Variants in DESI2 observed in about 807,000 individuals in gnomAD.
DESI2 encodes the protein deubiquitinase DESI2.
DESI2 carries 10 observed loss-of-function variants against 24.1 expected under a neutral mutation model. The ratio of observed to expected loss-of-function variants is 0.41; its 90% confidence interval spans 0.26 to 0.70. The LOEUF is 0.70. DESI2 is among the 30% of genes least tolerant of loss of function. DESI2 has a pLI of 0.29. For synonymous variants in DESI2, 71 were observed against 87.7 expected, an observed-to-expected ratio of 0.81 and a Z score of 1.06; for missense variants, 122 against 234.9, an observed-to-expected ratio of 0.52 and a Z score of 3.14.
intron 1 of DESI2, chr1:244,654,134 T>C (rs1675565973): frequency 2.4e-6 from 1 of 408,206 alleles, no homozygotes; most frequent in Non-Finnish European, 5.0e-6. Context: ...CAAGAACTGG[T>C]TTGCCTGATT....
chr1:244,656,465 A>AT (rs2148777367), intron 1 of DESI2: 1 of 152,296 alleles, frequency 6.6e-6, no homozygotes, highest in South Asian at 2.1e-4. Context: ...CTTATCAGTG[A>AT]TTATGTTCCT....
At chr1:244,665,166 A>ATT (rs754865183) in intron 1 of DESI2, among the ~76,000 whole-genome samples, 5 of 147,014 alleles carry the variant, frequency 3.4e-5, no homozygotes, top group Non-Finnish European at 6.0e-5. Context: ...TTAATACCTG[A>ATT]TTTTTTTTTT....
chr1:244,680,433 A>G (rs1676568436), intron 1 of DESI2, among the ~76,000 whole-genome samples: 1 of 152,084 alleles, frequency 6.6e-6, no homozygotes, highest in Admixed American at 6.5e-5. Context: ...CTGTCTCAAA[A>G]AAAAAAAAAG....
intron 1 of DESI2, among the ~76,000 whole-genome samples, chr1:244,668,520 A>G (rs1051234194): frequency 6.6e-6 from 1 of 152,198 alleles, no homozygotes; most frequent in African/African-American, 2.4e-5. Flanking sequence ...AACCTCTAAC[A>G]TGAACACTGA....
In DESI2 at chr1:244,689,452, C is replaced by A; in HGVS notation, c.209+110C>A. On this transcript the variant is annotated intron_variant, in intron 3 of 4. Coordinates refer to ENST00000302550, the MANE Select transcript of DESI2 (RefSeq NM_016076.5). The surrounding 1 kb of genome is among the most constrained non-coding windows in gnomAD (Gnocchi z 4.0). ...AACAAACCCAAGAAGTTAAAAATGT[C>A]TCTTTGTTTTAATTGCTGACATTTT... 2 of 593,374 alleles carry A rather than the reference C, an allele frequency of 3.4e-6. No individual in the cohort carries two copies. The highest frequency in any genetic ancestry group is 6.1e-6 in the Non-Finnish European group (2 of 329,920). 36.8% of individuals were successfully genotyped at this position (593,374 alleles called of 1,614,324 possible).
chr1:244,680,892 C>T (rs143440669), intron 1 of DESI2, among the ~76,000 whole-genome samples: 10 of 150,892 alleles, frequency 6.6e-5, no homozygotes, highest in Non-Finnish European at 1.2e-4. Context: ...TTTGCCCTTT[C>T]GTCTACTTGT....
intron 3 of DESI2, 118 bp from the exon 4 acceptor site, chr1:244,691,761 G>A (rs1677037461): frequency 2.5e-6 from 2 of 790,762 alleles, no homozygotes; most frequent in African/African-American, 1.8e-5. Context: ...ACCCTGATTT[G>A]TTATGTCGAT....
chr1:244,676,711 C>T (rs957665401), intron 1 of DESI2, among the ~76,000 whole-genome samples: 4 of 150,210 alleles, frequency 2.7e-5, no homozygotes, highest in African/African-American at 9.7e-5. Context: ...TGTTCTTTAT[C>T]AGCTTAGGGA....
At chr1:244,697,164 C>G (rs988203961) in intron 4 of DESI2, among the ~76,000 whole-genome samples, 4 of 152,074 alleles carry the variant, frequency 2.6e-5, no homozygotes, top group African/African-American at 7.2e-5. Context: ...TGAGTCCTAG[C>G]AAATCACCAA....
At position 244,689,751 on chromosome 1, in the gene DESI2, C is replaced by G. The variant is rs914746082; in HGVS notation, c.209+409C>G. On this transcript the variant is annotated intron_variant, in intron 3 of 4. Coordinates refer to ENST00000302550, the MANE Select transcript of DESI2 (RefSeq NM_016076.5). The surrounding 1 kb of genome is among the most constrained non-coding windows in gnomAD (Gnocchi z 4.0). Reference sequence around the variant, plus strand: ...TCTTGAACTCCTGACCTCAGGTGATCCACCTGCCTCGGCCTCCCAAAGTGC... The same window carrying G: ...TCTTGAACTCCTGACCTCAGGTGATGCACCTGCCTCGGCCTCCCAAAGTGC... Among the ~76,000 whole-genome samples, 6 of 152,076 alleles carry G rather than the reference C, an allele frequency of 3.9e-5. No individual in the cohort carries two copies. The highest frequency in any genetic ancestry group is 2.0e-4 in the Admixed American group (3 of 15,262).
intron 4 of DESI2, among the ~76,000 whole-genome samples, chr1:244,697,182 C>T (rs868624728): frequency 1.3e-5 from 2 of 152,028 alleles, no homozygotes; most frequent in South Asian, 4.1e-4. Flanking sequence ...CAAAACGGGG[C>T]GGTTGTGGAG....
At chr1:244,661,100 T>G (rs1336232672) in intron 1 of DESI2, among the ~76,000 whole-genome samples, 1 of 152,238 alleles carries the variant, frequency 6.6e-6, no homozygotes, top group Admixed American at 6.5e-5. Context: ...ATTCACATTT[T>G]TGTGCAACCA....
Position 244,705,763 on chromosome 1 carries a change from A to G in DESI2, c.559A>G (p.Arg187Gly). The G allele has an allele frequency of 6.2e-7, 1 of 1,611,926 alleles. No homozygotes were observed. Among genetic ancestry groups the G allele is most frequent in the Non-Finnish European group, 8.5e-7 (1 of 1,179,832 alleles). Residue 187 changes from arginine to glycine, a missense_variant, in exon 5 of 5, where the codon AGA becomes GGA. Physicochemically the swap from Arg to Gly is moderately radical, Grantham distance 125. Transcript: ENST00000302550. ...ASVASTAAGS[R>G]PGRHTKL ...CGTGGCAAGCACTGCAGCAGGCTCC[A>G]GACCCGGGCGCCACACTAAACTATA...
intron 4 of DESI2, among the ~76,000 whole-genome samples, chr1:244,703,378 T>C (rs1677555387): frequency 6.6e-6 from 1 of 151,600 alleles, no homozygotes; most frequent in African/African-American, 2.4e-5. Flanking sequence ...GTTTTTGAGA[T>C]GGAATCTCAC....
chr1:244,677,885 A>C (rs1169600275), intron 1 of DESI2, among the ~76,000 whole-genome samples: 2 of 152,148 alleles, frequency 1.3e-5, no homozygotes, highest in African/African-American at 2.4e-5. Context: ...GTACCACTGC[A>C]CTCCAGCCTA....
At chr1:244,671,126 A>G (rs1047587078) in intron 1 of DESI2, among the ~76,000 whole-genome samples, 2 of 152,222 alleles carry the variant, frequency 1.3e-5, no homozygotes, top group Admixed American at 1.3e-4. Context: ...TTTAAGAGAT[A>G]CTATTTTGTG....
At chr1:244,654,575 AAGG>A (rs1158111110) in intron 1 of DESI2, among the ~76,000 whole-genome samples, 2 of 152,208 alleles carry the variant, frequency 1.3e-5, no homozygotes, top group African/African-American at 2.4e-5. Context: ...CTGGAGATGA[AAGG>A]AGATGAGTTA....
Position 244,689,603 on chromosome 1 carries a change from A to T in DESI2, c.209+261A>T, listed in dbSNP as rs961554552. 6.6e-6 allele frequency among the ~76,000 whole-genome samples: 1 copy of T among 151,944 alleles called. No homozygotes were observed. The highest frequency in any genetic ancestry group is 2.1e-4 in the South Asian group (1 of 4,826). On this transcript the variant is annotated intron_variant, in intron 3 of 4. Coordinates refer to ENST00000302550, the MANE Select transcript of DESI2 (RefSeq NM_016076.5). The surrounding 1 kb of genome is among the most constrained non-coding windows in gnomAD (Gnocchi z 4.0). ...CAGCTCACTGCAGCGTCCGCCTTCT[A>T]GGTTCAAGCGATTCTCCTGCCTCAG...
chr1:244,654,651 A>C (rs1253979612), intron 1 of DESI2, among the ~76,000 whole-genome samples: 2 of 152,164 alleles, frequency 1.3e-5, no homozygotes, highest in Admixed American at 1.3e-4. Flanking sequence ...CAAACAAAAG[A>C]TCCTAGAAAA....
Sources: gnomAD v4.1 joint callset for allele counts (sites outside exome capture counted in the v4.1 genomes callset) on GRCh38, gnomAD v4.1.1 for gene constraint, Gnocchi (gnomAD v3.1) non-coding constraint, MANE v1.5 for transcripts, NCBI Gene and HGNC (gene_info 2026-07-23, HGNC 2026-07-21) for gene names.